Variants in NHSL2 observed in about 807,000 individuals in gnomAD.
NHSL2 encodes the protein NHS-like protein 2.
A neutral mutation model predicts 53.4 loss-of-function variants in NHSL2; 27 were observed. That is an observed-to-expected ratio of 0.51 (90% CI 0.37 to 0.70). The LOEUF (loss-of-function observed/expected upper bound fraction) is 0.70, where lower values mean the gene tolerates loss of function less well. Among genes scored for constraint, NHSL2 ranks in the 30% least tolerant of loss-of-function variants. The pLI, the probability that NHSL2 is intolerant of heterozygous loss-of-function variation, is 0.00. For missense variants in NHSL2, 892 were observed against 980.1 expected (o/e 0.91, Z 1.20); for synonymous variants, 408 against 404.1 (o/e 1.01, Z -0.12).
At chrX:71,994,298 C>G (rs867994803) in intron 1 of NHSL2, among the ~76,000 whole-genome samples, 2 of 90,061 alleles carry the variant, frequency 2.2e-5, no homozygotes, top group African/African-American at 8.3e-5. Flanking sequence ...GAGGCTCCCT[C>G]TGTGTGTGTG....
rs150942517 is a variant in NHSL2 at position 72,139,693 on chromosome X, C to A, written c.2145C>A (p.Tyr715Ter). 108 of 1,210,034 alleles carry A rather than the reference C, an allele frequency of 8.9e-5. No homozygotes were observed. Among genetic ancestry groups the A allele is most frequent in the Admixed American group, 2.2e-5 (1 of 46,008 alleles). The stretch of plus-strand genomic sequence containing the variant: ...GACTGATGTCACCCTCCAGTGGCTA[C>A]TCCAGCCAGTCGGAAACACCAACAC... ...PPGLMSPSSG[Y>*]SSQSETPTPT... Residue 715 changes from tyrosine (Y) to a stop codon, truncating the protein, a stop_gained, in exon 6 of 8, where the codon TAC (tyrosine) becomes TAA (stop). Coordinates refer to ENST00000633930, the MANE Select transcript of NHSL2 (RefSeq NM_001013627.3). LOFTEE classifies it high-confidence loss of function.
chrX:72,039,135 TCCTTTCCTTTCCTTC>T (rs1429969054), intron 1 of NHSL2, among the ~76,000 whole-genome samples: 22 of 100,275 alleles, frequency 2.2e-4, no homozygotes, highest in African/African-American at 8.5e-4. Flanking sequence ...TCCTTTCCTT[TCCTTTCCTTTCCTTC>T]CTTGTCTCTC....
chrX:72,035,110 C>A (rs2042234564), intron 1 of NHSL2, among the ~76,000 whole-genome samples: 1 of 112,021 alleles, frequency 8.9e-6, no homozygotes, highest in Non-Finnish European at 1.9e-5. Flanking sequence ...AATTTTCATC[C>A]AGTCCAATAT....
At chrX:72,035,913 G>A (rs928541896) in intron 1 of NHSL2, among the ~76,000 whole-genome samples, 1 of 111,860 alleles carries the variant, frequency 8.9e-6, no homozygotes, top group Non-Finnish European at 1.9e-5. Context: ...GGCAGGGCAA[G>A]GAAGTATTAC....
intron 1 of NHSL2, among the ~76,000 whole-genome samples, chrX:72,065,118 G>A (rs967497145): frequency 8.9e-6 from 1 of 111,778 alleles, no homozygotes; most frequent in Non-Finnish European, 1.9e-5. Context: ...AAGACTCTTG[G>A]GTTGGTGGGG....
chrX:71,963,994 T>TGTAA (rs2041883729), intron 1 of NHSL2, among the ~76,000 whole-genome samples: 1 of 41,584 alleles, frequency 2.4e-5, no homozygotes, highest in African/African-American at 1.5e-4. Context: ...TATATATATG[T>TGTAA]ATATACATAT....
At chrX:71,920,821 T>A (rs756792209) in intron 1 of NHSL2, among the ~76,000 whole-genome samples, 4 of 110,953 alleles carry the variant, frequency 3.6e-5, no homozygotes, top group African/African-American at 1.3e-4. Flanking sequence ...TTTGTTTTTT[T>A]TGAGACTGAG....
At chrX:72,137,435 G>A (rs963835425) in intron 5 of NHSL2, among the ~76,000 whole-genome samples, 3 of 112,477 alleles carry the variant, frequency 2.7e-5, no homozygotes, top group Non-Finnish European at 3.8e-5. Flanking sequence ...TAGGTCTTCC[G>A]GGCTAATGAA....
intron 1 of NHSL2, among the ~76,000 whole-genome samples, chrX:71,993,586 G>A (rs2042036972): frequency 8.9e-6 from 1 of 111,745 alleles, no homozygotes; most frequent in Non-Finnish European, 1.9e-5. Flanking sequence ...CATCCCCATA[G>A]CTACTAACCA....
chrX:72,078,572 G>A (rs1275330421), intron 1 of NHSL2, among the ~76,000 whole-genome samples: 1 of 111,583 alleles, frequency 9.0e-6, no homozygotes, highest in Non-Finnish European at 1.9e-5. Context: ...CAGACTTCCT[G>A]AGAGGTGTCT....
intron 1 of NHSL2, among the ~76,000 whole-genome samples, chrX:71,917,049 T>A (rs1296281123): frequency 8.9e-6 from 1 of 112,105 alleles, no homozygotes; most frequent in Non-Finnish European, 1.9e-5. Flanking sequence ...CATTGAAGTT[T>A]TCAAGTTAGA....
At position 72,032,325 on chromosome X, in the gene NHSL2, C is replaced by T. The variant is rs187310857; in HGVS notation, c.281-99754C>T. ...GGGAGAATTGCTTGAACCCGGGAGG[C>T]GGAGGTTGCAGTGAGCTGAGATCAT... On this transcript the variant is annotated intron_variant, in intron 1 of 7. Transcript: ENST00000633930. 4.7e-3 allele frequency among the ~76,000 whole-genome samples: 523 copies of T among 111,088 alleles called. 3 individuals are homozygous for T. The highest frequency in any genetic ancestry group is 0.016 in the African/African-American group (496 of 30,534).
intron 1 of NHSL2, among the ~76,000 whole-genome samples, chrX:71,959,041 C>T (rs2041855962): frequency 8.9e-6 from 1 of 111,940 alleles, no homozygotes; most frequent in Admixed American, 9.5e-5. Flanking sequence ...AGGGGAAATG[C>T]GAGAGTTAGG....
At chrX:71,959,576 C>T (rs760545561) in intron 1 of NHSL2, among the ~76,000 whole-genome samples, 132 of 110,580 alleles carry the variant, frequency 1.2e-3, no homozygotes, top group Middle Eastern at 4.7e-3. Flanking sequence ...GCTTCAAACC[C>T]CCAAATCAAT....
chrX:72,072,849 G>A (rs1336643911), intron 1 of NHSL2, among the ~76,000 whole-genome samples: 5 of 111,867 alleles, frequency 4.5e-5, no homozygotes, highest in Non-Finnish European at 1.9e-5. Flanking sequence ...TCTAGGGCAA[G>A]GGCTACAATT....
At chrX:72,004,251 G>A (rs1305943356) in intron 1 of NHSL2, among the ~76,000 whole-genome samples, 3 of 112,291 alleles carry the variant, frequency 2.7e-5, no homozygotes, top group African/African-American at 9.7e-5. Context: ...GATCTGGAAC[G>A]GAGACTTGCC....
rs1416497759 is a variant in NHSL2, at chrX:72,148,539, C to T, written c.*4965C>T. ...AGTGGGAAAGATGTATAAGGAAGTG[C>T]CTTTGTCAAAAGGCAGCAAAAAGTA... On this transcript the variant is annotated 3_prime_UTR_variant, in exon 8 of 8. Coordinates refer to ENST00000633930, the MANE Select transcript of NHSL2 (RefSeq NM_001013627.3). 9.0e-6 allele frequency: 1 copy of T among 111,362 alleles called. No homozygotes were observed. The highest frequency in any genetic ancestry group is 3.3e-5 in the African/African-American group (1 of 30,578). 9.2% of individuals were successfully genotyped at this position (111,362 alleles called of 1,213,427 possible).
chrX:72,008,630 A>G (rs1351486407), intron 1 of NHSL2, among the ~76,000 whole-genome samples: 2 of 112,616 alleles, frequency 1.8e-5, no homozygotes, highest in Non-Finnish European at 3.8e-5. Flanking sequence ...ATCATGCTGC[A>G]TGCAAGACCT....
At chrX:71,995,011 C>T (rs1294866518) in intron 1 of NHSL2, among the ~76,000 whole-genome samples, 1 of 111,792 alleles carries the variant, frequency 8.9e-6, no homozygotes, top group Non-Finnish European at 1.9e-5. Context: ...CTGGCCTTGC[C>T]CCCCAAACCT....
Sources: allele counts gnomAD v4.1 joint callset (sites outside exome capture counted in the v4.1 genomes callset), GRCh38; gene constraint gnomAD v4.1.1; transcripts MANE v1.5; gene names NCBI Gene and HGNC (gene_info 2026-07-23, HGNC 2026-07-21).